ZCWPW2: variants seen among roughly 807,000 people sequenced by gnomAD.
ZCWPW2 encodes the protein zinc finger CW-type and PWWP domain containing 2.
In ZCWPW2, 45 loss-of-function variants were observed where a neutral mutation model predicts 46.6. The ratio of observed to expected loss-of-function variants is 0.96; its 90% confidence interval spans 0.76 to 1.24. The LOEUF (loss-of-function observed/expected upper bound fraction) is 1.24, where lower values mean the gene tolerates loss of function less well. Ranked by LOEUF, ZCWPW2 falls within the 50% of genes most tolerant of loss-of-function variation. The pLI is 0.00. For missense variants in ZCWPW2, 429 were observed against 403.9 expected, an observed-to-expected ratio of 1.06 and a Z score of -0.53; for synonymous variants, 152 against 137.1, an observed-to-expected ratio of 1.11 and a Z score of -0.76.
At chr3:28,519,589 G>A (rs115918750) in intron 8 of ZCWPW2, among the ~76,000 whole-genome samples, 86 of 152,222 alleles carry the variant, frequency 5.6e-4, no homozygotes, top group African/African-American at 2.0e-3. Flanking sequence ...TCCTGTTTGG[G>A]TATTTTCATT....
chr3:28,490,830 T>C (rs1201903177), intron 5 of ZCWPW2, among the ~76,000 whole-genome samples: 1 of 152,134 alleles, frequency 6.6e-6, no homozygotes, highest in African/African-American at 2.4e-5. Context: ...TACATTGTTT[T>C]ATATCTTATA....
intron 4 of ZCWPW2, among the ~76,000 whole-genome samples, chr3:28,449,349 A>G (rs933621378): frequency 2.0e-5 from 3 of 152,216 alleles, no homozygotes; most frequent in African/African-American, 7.2e-5. Flanking sequence ...TTTGCCTTAA[A>G]TAGAAAGGAA....
At chr3:28,399,604 A>G (rs962553832) in intron 2 of ZCWPW2, among the ~76,000 whole-genome samples, 1 of 152,228 alleles carries the variant, frequency 6.6e-6, no homozygotes, top group African/African-American at 2.4e-5. Context: ...TTCACATCAC[A>G]GGATTCTGTG....
chr3:28,380,463 T>C (rs905587876), intron 1 of ZCWPW2, among the ~76,000 whole-genome samples: 8 of 152,214 alleles, frequency 5.3e-5, no homozygotes, highest in Admixed American at 3.9e-4. Flanking sequence ...TGAATTTGTT[T>C]TATCCATTTC....
chr3:28,412,494 A>C (rs1165883879), intron 2 of ZCWPW2, among the ~76,000 whole-genome samples: 1 of 152,084 alleles, frequency 6.6e-6, no homozygotes, highest in Non-Finnish European at 1.5e-5. Flanking sequence ...GGCAGTACAA[A>C]CTAATGGGTA....
intron 6 of ZCWPW2, among the ~76,000 whole-genome samples, chr3:28,504,829 A>G: frequency 6.6e-6 from 1 of 152,172 alleles, no homozygotes; most frequent in Non-Finnish European, 1.5e-5. Context: ...TCTGCTTTCC[A>G]TGGGGTTCGT....
At chr3:28,521,150 C>T in intron 9 of ZCWPW2, 34 bp downstream of exon 9, 1 of 1,567,730 alleles carries the variant, frequency 6.4e-7, no homozygotes, top group Non-Finnish European at 8.6e-7. Context: ...ACCTAAATAA[C>T]AACTTCAAAT....
intron 1 of ZCWPW2, among the ~76,000 whole-genome samples, chr3:28,386,631 A>G (rs1695283051): frequency 6.6e-6 from 1 of 152,174 alleles, no homozygotes; most frequent in Non-Finnish European, 1.5e-5. Flanking sequence ...TTGATGGTCA[A>G]ATTTAAAATA....
At chr3:28,441,461 AC>A (rs1450944346) in intron 4 of ZCWPW2, among the ~76,000 whole-genome samples, 3 of 152,192 alleles carry the variant, frequency 2.0e-5, no homozygotes, top group African/African-American at 7.2e-5. Flanking sequence ...ATTACCATTC[AC>A]AACTCTCCTT....
At chr3:28,370,922 G>T (rs1705311333) in intron 1 of ZCWPW2, among the ~76,000 whole-genome samples, 1 of 151,898 alleles carries the variant, frequency 6.6e-6, no homozygotes, top group Admixed American at 6.6e-5. Context: ...AGTAGAGATG[G>T]GGTTTCTCCA....
rs779631847 is a variant in ZCWPW2, at chr3:28,413,089, T to G, written c.21T>G (p.Asp7Glu). 2 of 1,610,114 alleles carry G rather than the reference T, an allele frequency of 1.2e-6. No homozygotes were observed. Among genetic ancestry groups the G allele is most frequent in the Admixed American group, 1.7e-5 (1 of 59,734 alleles). The change falls in exon 3 of 10, where the codon GAT (aspartate) becomes GAG (glutamate). Residue 7 changes from aspartate to glutamate, a missense_variant. Asp to Glu is a conservative substitution (Grantham distance 45). Transcript: ENST00000383768. MDKEKL[D>E]VKIEYCNYAM... ...CCTTAATGGATAAAGAAAAATTGGA[T>G]GTTAAGATTGAATATTGTAACTATG...
intron 3 of ZCWPW2, among the ~76,000 whole-genome samples, chr3:28,423,530 C>G (rs1696882946): frequency 6.6e-6 from 1 of 151,772 alleles, no homozygotes; most frequent in Non-Finnish European, 1.5e-5. Flanking sequence ...CCACGCCCAG[C>G]TAATTTTTTG....
chr3:28,370,149 G>T (rs968365586), intron 1 of ZCWPW2, among the ~76,000 whole-genome samples: 1 of 152,180 alleles, frequency 6.6e-6, no homozygotes, highest in African/African-American at 2.4e-5. Flanking sequence ...TGCTTGGTGC[G>T]CTGCACCCAC....
chr3:28,476,166 G>A (rs1231950414), intron 4 of ZCWPW2, among the ~76,000 whole-genome samples: 2 of 151,382 alleles, frequency 1.3e-5, no homozygotes, highest in African/African-American at 4.8e-5. Flanking sequence ...CTGGAAGACT[G>A]TAAAAGAAAC....
chr3:28,428,304 CAATGTGT>C (rs1697103615), intron 3 of ZCWPW2: 1 of 152,136 alleles, frequency 6.6e-6, no homozygotes, highest in Non-Finnish European at 1.5e-5. Context: ...TAGTTGGAAA[CAATGTGT>C]AATGCTCTAG....
At chr3:28,350,354 G>A (rs1704496748) in intron 1 of ZCWPW2, among the ~76,000 whole-genome samples, 1 of 152,154 alleles carries the variant, frequency 6.6e-6, no homozygotes, top group Non-Finnish European at 1.5e-5. Context: ...TTGTTGAAAA[G>A]GCAGGGGACA....
intron 4 of ZCWPW2, among the ~76,000 whole-genome samples, chr3:28,453,867 C>T (rs1335359761): frequency 8.2e-5 from 12 of 145,852 alleles, no homozygotes; most frequent in Middle Eastern, 3.8e-3. Context: ...TTTTTTGAGA[C>T]GGAGTCTCGC....
intron 4 of ZCWPW2, among the ~76,000 whole-genome samples, chr3:28,446,217 A>G (rs1456242355): frequency 1.3e-5 from 2 of 152,162 alleles, no homozygotes; most frequent in Non-Finnish European, 2.9e-5. Flanking sequence ...CAGGACTAGT[A>G]TACACATTTT....
chr3:28,406,433 C>T (rs1696162950), intron 2 of ZCWPW2, among the ~76,000 whole-genome samples: 1 of 152,092 alleles, frequency 6.6e-6, no homozygotes, highest in South Asian at 2.1e-4. Context: ...ATGAGAAAAC[C>T]ATATCTGTGC....
Sources: allele counts gnomAD v4.1 joint callset (sites outside exome capture counted in the v4.1 genomes callset), GRCh38; gene constraint gnomAD v4.1.1; transcripts MANE v1.5; gene names NCBI Gene and HGNC (gene_info 2026-07-23, HGNC 2026-07-21).